EBAG9: variants seen among roughly 807,000 people sequenced by gnomAD.
The protein encoded by EBAG9 is receptor-binding cancer antigen expressed on SiSo cells.
Under a neutral mutation model 30.9 loss-of-function variants are expected in EBAG9, and 16 were observed. The ratio of observed to expected loss-of-function variants is 0.52; its 90% CI spans 0.35 to 0.79. The LOEUF is 0.79. EBAG9 is among the 30% of genes least tolerant of loss of function. EBAG9 has a pLI of 0.01. For synonymous variants in EBAG9, 93 were observed against 82.8 expected (o/e 1.12, Z -0.67); for missense variants, 197 against 242.1 (o/e 0.81, Z 1.24).
rs113452040 is a variant in EBAG9, at chr8:109,547,914, G to A, written c.-15-2896G>A. ...AAGTCCCTTATTAGACATATGCTTT[G>A]CAAGGATTTTTCTCTCAGTCTGTGA... On this transcript the variant is annotated intron_variant, in intron 1 of 6. Coordinates refer to ENST00000337573, the MANE Select transcript of EBAG9 (RefSeq NM_004215.5). 1.8e-3 allele frequency among the ~76,000 whole-genome samples: 270 copies of A among 152,188 alleles called. 2 individuals carry two copies. The highest frequency in any genetic ancestry group is 6.2e-3 in the African/African-American group (258 of 41,532).
intron 5 of EBAG9, among the ~76,000 whole-genome samples, chr8:109,558,231 A>G (rs1197417488): frequency 6.6e-6 from 1 of 152,132 alleles, no homozygotes; most frequent in African/African-American, 2.4e-5. Context: ...ATTGAGTAAA[A>G]ACACTGTTTT....
At chr8:109,544,510 T>A (rs1821344736) in intron 1 of EBAG9, among the ~76,000 whole-genome samples, 1 of 152,238 alleles carries the variant, frequency 6.6e-6, no homozygotes, top group Non-Finnish European at 1.5e-5. Flanking sequence ...TATCTTAGTT[T>A]CCTCATTTAG....
At position 109,565,481 on chromosome 8, in the gene EBAG9, G is replaced by C. The variant is rs1445693723; in HGVS notation, c.*922G>C. 6.6e-6 allele frequency: 1 copy of C among 152,000 alleles called. No homozygotes were observed. The highest frequency in any genetic ancestry group is 1.5e-5 in the Non-Finnish European group (1 of 67,948). The allele number at this position is 152,000 out of a possible 1,614,324, so 9.4% of individuals were successfully genotyped here. Reference sequence around the variant, plus strand: ...GTCTGACGTTATGTAGGTTACCTGTGTTCTTGGCTAGGAAAACATTATTGA... The same window carrying C: ...GTCTGACGTTATGTAGGTTACCTGTCTTCTTGGCTAGGAAAACATTATTGA... On this transcript the variant is annotated 3_prime_UTR_variant, in exon 7 of 7. Coordinates refer to ENST00000337573, the MANE Select transcript of EBAG9 (RefSeq NM_004215.5).
chr8:109,559,959 A>G (rs1821678894), intron 5 of EBAG9, among the ~76,000 whole-genome samples: 1 of 150,910 alleles, frequency 6.6e-6, no homozygotes, highest in Non-Finnish European at 1.5e-5. Flanking sequence ...AAATAATTAG[A>G]AATATTTTAA....
chr8:109,543,740 A>C (rs770000694), intron 1 of EBAG9, among the ~76,000 whole-genome samples: 1 of 152,136 alleles, frequency 6.6e-6, no homozygotes, highest in Non-Finnish European at 1.5e-5. Context: ...TGCATTTTTA[A>C]AAAGCATGGG....
chr8:109,546,427 A>T (rs1412641202), intron 1 of EBAG9, among the ~76,000 whole-genome samples: 3 of 152,202 alleles, frequency 2.0e-5, no homozygotes, highest in Non-Finnish European at 4.4e-5. Flanking sequence ...AAGTTTCGTC[A>T]TGTCTGTCAG....
At chr8:109,552,792 T>A (rs1039895712) in intron 2 of EBAG9, among the ~76,000 whole-genome samples, 1 of 152,164 alleles carries the variant, frequency 6.6e-6, no homozygotes, top group Non-Finnish European at 1.5e-5. Flanking sequence ...CCTTAGACCA[T>A]GTATTTTAAA....
chr8:109,544,482 G>A (rs947181403), intron 1 of EBAG9, among the ~76,000 whole-genome samples: 2 of 152,190 alleles, frequency 1.3e-5, no homozygotes, highest in African/African-American at 2.4e-5. Context: ...ACCTTGAGCA[G>A]AACCGTTAAC....
intron 6 of EBAG9, among the ~76,000 whole-genome samples, chr8:109,563,878 A>G (rs1364802498): frequency 6.6e-6 from 1 of 152,088 alleles, no homozygotes; most frequent in Admixed American, 6.6e-5. Context: ...TCTCTTTGGT[A>G]GAGTTAGTCA....
intron 2 of EBAG9, among the ~76,000 whole-genome samples, chr8:109,551,419 G>A (rs1454162481): frequency 6.6e-6 from 1 of 152,024 alleles, no homozygotes; most frequent in African/African-American, 2.4e-5. Flanking sequence ...GACATCATCT[G>A]TAGACTTCAG....
At position 109,540,173 on chromosome 8, in the gene EBAG9, A is replaced by C. The variant is rs1401301335; in HGVS notation, c.-304A>C. 6.6e-6 allele frequency: 1 copy of C among 152,346 alleles called. No individual in the cohort carries two copies. 9.4% of individuals were successfully genotyped at this position (152,346 alleles called of 1,614,324 possible). A position where few individuals can be genotyped will look rare whatever the true frequency, so the allele number is the denominator to read the frequency against. ...GAAACTGCGACTGGGAGCGGGACCCAGGCGTGCAGCATTCGCCATGCTCCG... is the reference window on the plus strand; with the variant it reads ...GAAACTGCGACTGGGAGCGGGACCCCGGCGTGCAGCATTCGCCATGCTCCG... On this transcript the variant is annotated 5_prime_UTR_variant, in exon 1 of 7. Coordinates refer to ENST00000337573, the MANE Select transcript of EBAG9 (RefSeq NM_004215.5).
At chr8:109,541,376 A>AG (rs1057512926) in intron 1 of EBAG9, among the ~76,000 whole-genome samples, 15 of 152,284 alleles carry the variant, frequency 9.9e-5, no homozygotes, top group African/African-American at 3.4e-4. Context: ...GATATGATGT[A>AG]GGGAGAGCCT....
intron 5 of EBAG9, among the ~76,000 whole-genome samples, chr8:109,558,191 G>A (rs1294254112): frequency 1.3e-5 from 2 of 152,016 alleles, no homozygotes; most frequent in Non-Finnish European, 2.9e-5. Flanking sequence ...CTCTTCCCAG[G>A]GGACCCATGT....
intron 3 of EBAG9, 52 bp from the exon 4 acceptor site, chr8:109,554,677 T>A: frequency 6.5e-7 from 1 of 1,547,164 alleles, no homozygotes; most frequent in Non-Finnish European, 8.8e-7. Flanking sequence ...ATCAATGATG[T>A]GTTCATTAAG....
intron 6 of EBAG9, among the ~76,000 whole-genome samples, chr8:109,562,630 G>C (rs1821732959): frequency 6.6e-6 from 1 of 151,694 alleles, no homozygotes; most frequent in Admixed American, 6.6e-5. Flanking sequence ...CATGAATCTG[G>C]ATAGGTAAAA....
At chr8:109,554,142 G>A (rs1405849972) in intron 3 of EBAG9, among the ~76,000 whole-genome samples, 199 bp downstream of exon 3, 1 of 152,046 alleles carries the variant, frequency 6.6e-6, no homozygotes, top group Non-Finnish European at 1.5e-5. Context: ...TTTCTATTGT[G>A]TTTTCATTGG....
intron 1 of EBAG9, among the ~76,000 whole-genome samples, chr8:109,545,740 T>C (rs929860344): frequency 6.6e-6 from 1 of 152,206 alleles, no homozygotes; most frequent in Non-Finnish European, 1.5e-5. Context: ...ATCTCTTTCA[T>C]AAAGACATAT....
In EBAG9 at chr8:109,543,758, T is replaced by C. The variant is rs193001644; in HGVS notation, c.-16+3297T>C. Among the ~76,000 whole-genome samples the C allele has an allele frequency of 9.2e-3, 1,399 of 152,230 alleles. 14 individuals carry two copies. The highest frequency in any genetic ancestry group is 0.032 in the African/African-American group (1,312 of 41,546). On this transcript the variant is annotated intron_variant, in intron 1 of 6. Coordinates refer to ENST00000337573, the MANE Select transcript of EBAG9 (RefSeq NM_004215.5). Reference sequence around the variant, plus strand: ...ATTTTTAAAAAGCATGGGCTGGGCATGGTAGCTCACACCTGTAATCCCAGC... The same window carrying C: ...ATTTTTAAAAAGCATGGGCTGGGCACGGTAGCTCACACCTGTAATCCCAGC...
chr8:109,560,206 A>T (rs1441546675), intron 5 of EBAG9, among the ~76,000 whole-genome samples: 4 of 152,198 alleles, frequency 2.6e-5, no homozygotes, highest in Non-Finnish European at 5.9e-5. Context: ...TGGCTTGGGA[A>T]ATAGAGGTAG....
Sources: gnomAD v4.1 joint callset for allele counts (sites outside exome capture counted in the v4.1 genomes callset) on GRCh38, gnomAD v4.1.1 for gene constraint, MANE v1.5 for transcripts, NCBI Gene and HGNC (gene_info 2026-07-23, HGNC 2026-07-21) for gene names.